Variants in GPHN observed in about 807,000 individuals in gnomAD.
GPHN encodes the protein gephyrin.
In GPHN, 17 loss-of-function variants were observed where a neutral mutation model predicts 95.5. That is an observed-to-expected ratio of 0.18 (90% CI 0.12 to 0.27). GPHN has a LOEUF of 0.27. Ranked by LOEUF, GPHN falls within the 10% of genes least tolerant of loss-of-function variation. The probability of loss-of-function intolerance (pLI) is 1.00; values close to 1 mark genes in which losing one functional copy is unlikely to be tolerated. For missense variants in GPHN, 660 were observed against 978.1 expected (o/e 0.67, Z 4.34); for synonymous variants, 320 against 322.5 (o/e 0.99, Z 0.08).
chr14:67,725,017 C>G, the GPHN span: 1 of 1,466,038 alleles, frequency 6.8e-7, no homozygotes, highest in South Asian at 1.1e-5. Context: ...AATGCTCTGT[C>G]CCCCAGTCCC....
intron 2 of GPHN, among the ~76,000 whole-genome samples, chr14:66,737,680 A>T (rs576152481): frequency 1.3e-5 from 2 of 152,340 alleles, no homozygotes; most frequent in East Asian, 3.9e-4. Flanking sequence ...ACCAGAGTCC[A>T]GCAAATACTG....
the GPHN span, chr14:67,569,862 C>T: frequency 1.8e-6 from 2 of 1,109,878 alleles, no homozygotes; most frequent in Non-Finnish European, 2.7e-6. Context: ...CTCTGCTTCC[C>T]CCACACCCCT....
At chr14:67,104,081 T>C (rs1391438570) in intron 13 of GPHN, among the ~76,000 whole-genome samples, 1 of 152,116 alleles carries the variant, frequency 6.6e-6, no homozygotes, top group Non-Finnish European at 1.5e-5. Flanking sequence ...CCATGAAGGA[T>C]TGTTGAATTT....
chr14:67,553,571 C>T, the GPHN span, among the ~76,000 whole-genome samples: 3 of 152,338 alleles, frequency 2.0e-5, no homozygotes, highest in East Asian at 5.8e-4. Context: ...GAGAGAGAAT[C>T]TGGCTGGTCC....
the GPHN span, among the ~76,000 whole-genome samples, chr14:67,296,569 G>T: frequency 9.2e-6 from 1 of 108,516 alleles, no homozygotes. Flanking sequence ...CTGGGCAACA[G>T]AGTGAAACTC....
the GPHN span, chr14:67,311,978 C>T: frequency 6.6e-6 from 1 of 152,618 alleles, no homozygotes; most frequent in Admixed American, 6.5e-5. Flanking sequence ...CAGGGAAGCT[C>T]ATATTTACCT....
the GPHN span, among the ~76,000 whole-genome samples, chr14:67,516,364 G>A: frequency 6.6e-6 from 1 of 151,040 alleles, no homozygotes; most frequent in Non-Finnish European, 1.5e-5. Flanking sequence ...CCTGATCTGA[G>A]GGGTCTAATG....
At chr14:67,574,084 C>G in the GPHN span, among the ~76,000 whole-genome samples, 1 of 152,082 alleles carries the variant, frequency 6.6e-6, no homozygotes, top group East Asian at 1.9e-4. This position sits in a 1 kb window ranked among gnomAD's most constrained non-coding sequence, Gnocchi z 4.2. Flanking sequence ...GAAGGAGAGA[C>G]AGGGAGGAAA....
the GPHN span, among the ~76,000 whole-genome samples, chr14:67,188,672 G>A: frequency 1.8e-4 from 27 of 152,228 alleles, 1 homozygote; most frequent in South Asian, 2.1e-3. Flanking sequence ...GGAACCACTC[G>A]GACAAGTGCA....
At chr14:66,639,210 A>G (rs1158677652) in intron 1 of GPHN, among the ~76,000 whole-genome samples, 3 of 151,940 alleles carry the variant, frequency 2.0e-5, no homozygotes, top group East Asian at 3.8e-4. Context: ...AAGTGGTGTT[A>G]TAAGTGTAAA....
intron 21 of GPHN, among the ~76,000 whole-genome samples, chr14:67,179,173 C>T (rs1455776067): frequency 6.6e-6 from 1 of 151,998 alleles, no homozygotes; most frequent in Non-Finnish European, 1.5e-5. Context: ...TCGCTTGAGC[C>T]CAGGAGTTCA....
intron 2 of GPHN, among the ~76,000 whole-genome samples, chr14:66,728,945 A>G (rs548769285): frequency 5.9e-5 from 9 of 152,312 alleles, no homozygotes; most frequent in Admixed American, 1.3e-4. Context: ...AACTCCCTCA[A>G]TTCCCACATA....
chr14:67,489,307 C>T, the GPHN span, among the ~76,000 whole-genome samples: 3 of 152,212 alleles, frequency 2.0e-5, no homozygotes, highest in African/African-American at 7.2e-5. Context: ...TGTCCCCATA[C>T]AATGTGCCTT....
At chr14:66,720,557 G>T (rs868627844) in intron 2 of GPHN, among the ~76,000 whole-genome samples, 4 of 152,092 alleles carry the variant, frequency 2.6e-5, no homozygotes, top group Admixed American at 6.6e-5. Flanking sequence ...TTTCCAGGGG[G>T]CCTTATTAGC....
At chr14:67,320,464 ATG>A in the GPHN span, 1 of 1,389,066 alleles carries the variant, frequency 7.2e-7, no homozygotes, top group Non-Finnish European at 9.5e-7. Context: ...TAACTATATC[ATG>A]TAGGGAAATT....
chr14:67,642,315 GAGCTGTGTCAGATGGCTAC>G, the GPHN span: 2 of 1,614,116 alleles, frequency 1.2e-6, no homozygotes, highest in Non-Finnish European at 1.7e-6. Context: ...GTGGTTAGCA[GAGCTGTGTCAGATGGCTAC>G]AGCTGTGTCA....
chr14:66,657,329 A>T lies in GPHN; in HGVS notation c.65-23778A>T, dbSNP rs556956229. Among the ~76,000 whole-genome samples, 3 of 152,356 alleles carry T rather than the reference A, an allele frequency of 2.0e-5. No homozygotes were observed. The East Asian group carries it at 5.8e-4, about 29-fold the overall frequency. ...TGAGGAAATAAGTCATCTCTGTAAC[A>T]TAAAAGTACAAGGTAAAGCTGCAAG... On this transcript the variant is annotated intron_variant, in intron 1 of 22. Coordinates refer to ENST00000478722, the MANE Select transcript of GPHN (RefSeq NM_020806.5).
the GPHN span, among the ~76,000 whole-genome samples, chr14:67,599,572 C>G: frequency 6.6e-6 from 1 of 152,166 alleles, no homozygotes; most frequent in Non-Finnish European, 1.5e-5. Context: ...AACACACACA[C>G]TTGTGGAGGC....
the GPHN span, among the ~76,000 whole-genome samples, chr14:67,296,484 G>A: frequency 1.3e-5 from 2 of 150,556 alleles, no homozygotes; most frequent in Non-Finnish European, 3.0e-5. Flanking sequence ...AGGAGGCTGA[G>A]GCAGGAGAAT....
Sources: allele counts gnomAD v4.1 joint callset (sites outside exome capture counted in the v4.1 genomes callset), GRCh38; gene constraint gnomAD v4.1.1; non-coding constraint Gnocchi (gnomAD v3.1); transcripts MANE v1.5; gene names NCBI Gene and HGNC (gene_info 2026-07-23, HGNC 2026-07-21).